Variants in ELN observed in about 807,000 individuals in gnomAD.
ELN encodes elastin.
In ELN, 65 loss-of-function variants were observed where a neutral mutation model predicts 105.8. The ratio of observed to expected loss-of-function variants is 0.61; its 90% CI spans 0.50 to 0.75. The LOEUF is 0.75. Ranked by LOEUF, ELN falls within the 30% of genes least tolerant of loss-of-function variation. ELN has a pLI of 0.00. For missense variants in ELN, 882 were observed against 969.4 expected (o/e 0.91, Z 1.20); for synonymous variants, 368 against 389.2 (o/e 0.95, Z 0.64).
At chr7:74,033,571 C>T (rs1466951629) in intron 1 of ELN, among the ~76,000 whole-genome samples, 1 of 152,214 alleles carries the variant, frequency 6.6e-6, no homozygotes, top group Non-Finnish European at 1.5e-5. Context: ...CAGGCCTGGA[C>T]TGCAGTGCCT....
rs868986022 is a variant in ELN at position 74,066,921 on chromosome 7, C to T, written c.2131+145C>T. On this transcript the variant is annotated intron_variant, in intron 32 of 32. Coordinates refer to ENST00000252034, the MANE Select transcript of ELN (RefSeq NM_000501.4). The stretch of plus-strand genomic sequence containing the variant: ...CCTCAGGTCACACGAGGCTGGACCC[C>T]GAGCTGAATGTAGAGCCTCCCCTCC... 2.9e-5 allele frequency: 24 copies of T among 815,256 alleles called. 1 individual carries two copies. The highest frequency in any genetic ancestry group is 2.2e-4 in the South Asian group (15 of 68,366). The allele number at this position is 815,256 out of a possible 1,614,324, so 50.5% of individuals were successfully genotyped here.
chr7:74,065,022 C>T (rs1406442734), intron 29 of ELN, among the ~76,000 whole-genome samples: 2 of 152,082 alleles, frequency 1.3e-5, no homozygotes, highest in Non-Finnish European at 2.9e-5. Flanking sequence ...AGGTGGATTG[C>T]TTGAGGCCAG....
At chr7:74,061,746 T>C (rs1421688450) in intron 26 of ELN, among the ~76,000 whole-genome samples, 2 of 152,072 alleles carry the variant, frequency 1.3e-5, no homozygotes, top group Admixed American at 1.3e-4. Flanking sequence ...ATGCTTATGG[T>C]GCCTTCAACC....
chr7:74,057,242 A>T, intron 21 of ELN: 1 of 754,082 alleles, frequency 1.3e-6, no homozygotes. Context: ...CAACTCTAAA[A>T]ATAAAAAAAA....
chr7:74,052,118 C>T (rs560134789), intron 17 of ELN, 135 bp downstream of exon 17: 1 of 958,250 alleles, frequency 1.0e-6, no homozygotes, highest in East Asian at 2.6e-5. Context: ...TTACCTTTGC[C>T]CCTTCTGATC....
intron 26 of ELN, 151 bp downstream of exon 26, chr7:74,061,290 GC>G (rs1796592612): frequency 1.1e-6 from 1 of 920,908 alleles, no homozygotes; most frequent in Non-Finnish European, 1.7e-6. Flanking sequence ...GCCGAGGCAG[GC>G]AGATCACCTG....
intron 11 of ELN, 128 bp from the exon 12 acceptor site, chr7:74,046,568 G>A: frequency 1.0e-6 from 1 of 956,320 alleles, no homozygotes; most frequent in Non-Finnish European, 1.6e-6. Flanking sequence ...GATTCAGGGA[G>A]TCCCTCGAAG....
chr7:74,035,560 AT>A (rs781822387), intron 2 of ELN, 146 bp downstream of exon 2: 6 of 946,498 alleles, frequency 6.3e-6, no homozygotes, highest in East Asian at 2.6e-5. Context: ...TTAACAAGAC[AT>A]TGATTTACAG....
At chr7:74,030,004 A>C (rs1788311291) in intron 1 of ELN, among the ~76,000 whole-genome samples, 1 of 152,210 alleles carries the variant, frequency 6.6e-6, no homozygotes, top group Non-Finnish European at 1.5e-5. Flanking sequence ...TCCTTAAAGC[A>C]GGCATGCCCT....
At chr7:74,059,632 C>T (rs1169463789) in intron 22 of ELN, 5 of 583,990 alleles carry the variant, frequency 8.6e-6, no homozygotes, top group Non-Finnish European at 1.2e-5. Context: ...TGCAGTGAGT[C>T]GAGATCACGC....
chr7:74,041,717 CTTG>C (rs1340053912), intron 5 of ELN, among the ~76,000 whole-genome samples: 1 of 151,842 alleles, frequency 6.6e-6, no homozygotes, highest in Non-Finnish European at 1.5e-5. Context: ...TTTTGTTGTT[CTTG>C]TTGTTGTTGA....
At chr7:74,047,572 G>A (rs1299089707) in intron 12 of ELN, 103 bp from the exon 13 acceptor site, 69 of 1,511,490 alleles carry the variant, frequency 4.6e-5, no homozygotes, top group Non-Finnish European at 6.2e-5. Flanking sequence ...GATGTGGGAG[G>A]TCTCAAGCTT....
intron 21 of ELN, 68 bp downstream of exon 21, chr7:74,056,781 GCAAACTGGCT>G: frequency 6.2e-7 from 1 of 1,606,790 alleles, no homozygotes; most frequent in Non-Finnish European, 8.5e-7. Context: ...CAACCTCAGG[GCAAACTGGCT>G]CCCAGGCCTC....
intron 22 of ELN, among the ~76,000 whole-genome samples, chr7:74,057,899 G>A (rs1225582783): frequency 6.6e-6 from 1 of 152,136 alleles, no homozygotes; most frequent in Non-Finnish European, 1.5e-5. Flanking sequence ...GGGGAGCAGG[G>A]TGAGCAGTGT....
In ELN at chr7:74,068,767, C is replaced by T; in HGVS notation, c.*67C>T. 3 of 1,583,874 alleles carry T rather than the reference C, an allele frequency of 1.9e-6. No homozygotes were observed. Among genetic ancestry groups the T allele is most frequent in the South Asian group, 2.2e-5 (2 of 90,472 alleles). Reference sequence around the variant, plus strand: ...GCTACTGCTTGGTGGAGAATGTAAACCCTTTGTAACCCCATCCCATGCCCC... The same window carrying T: ...GCTACTGCTTGGTGGAGAATGTAAATCCTTTGTAACCCCATCCCATGCCCC... On this transcript the variant is annotated 3_prime_UTR_variant, in exon 33 of 33. Transcript: ENST00000252034.
At chr7:74,047,812 A>C (rs1792921017) in intron 13 of ELN, 96 bp downstream of exon 13, 2 of 1,560,274 alleles carry the variant, frequency 1.3e-6, no homozygotes, top group Non-Finnish European at 8.8e-7. Flanking sequence ...CCAGGAGAGC[A>C]CCTCGCTGGG....
At chr7:74,054,112 T>A (rs986357276) in intron 18 of ELN, among the ~76,000 whole-genome samples, 11 of 151,484 alleles carry the variant, frequency 7.3e-5, no homozygotes, top group Admixed American at 6.6e-4. Flanking sequence ...TGGGATAAGT[T>A]GGCAGATAGA....
chr7:74,048,317 C>A, intron 14 of ELN, 116 bp downstream of exon 14: 1 of 1,539,714 alleles, frequency 6.5e-7, no homozygotes, highest in Non-Finnish European at 9.0e-7. Context: ...CATCCAGACC[C>A]TGGTCCAAAC....
Position 74,056,669 on chromosome 7 carries a change from T to G in ELN, c.1316-3T>G. On this transcript the variant is annotated splice_polypyrimidine_tract_variant and splice_region_variant and intron_variant, in intron 20 of 32. Coordinates refer to ENST00000252034, the MANE Select transcript of ELN (RefSeq NM_000501.4). ...GGTCTCTTTCTTTCTCGTTTCCTTG[T>G]AGCCGAAGCTCAGGCAGCAGCTGCC... 6.2e-7 allele frequency: 1 copy of G among 1,613,920 alleles called. No homozygotes were observed.
Sources: gnomAD v4.1 joint callset for allele counts (sites outside exome capture counted in the v4.1 genomes callset) on GRCh38, gnomAD v4.1.1 for gene constraint, MANE v1.5 for transcripts, NCBI Gene and HGNC (gene_info 2026-07-23, HGNC 2026-07-21) for gene names.